Variants in SMKR1 observed in about 807,000 individuals in gnomAD.
The protein encoded by SMKR1 is small lysine-rich protein 1.
SMKR1 carries 4 observed loss-of-function variants against 4.0 expected under a neutral mutation model. The ratio of observed to expected loss-of-function variants is 1.00; its 90% confidence interval spans 0.49 to 2.30. The LOEUF (loss-of-function observed/expected upper bound fraction) is 2.30, where lower values mean the gene tolerates loss of function less well. Among genes scored for constraint, SMKR1 ranks in the 30% most tolerant of loss-of-function variants. SMKR1 has a pLI of 0.02. For missense variants in SMKR1, 56 were observed against 81.8 expected (o/e 0.68, Z 1.22); for synonymous variants, 38 against 32.5 (o/e 1.17, Z -0.58).
At chr7:129,510,470 A>C (rs1799514290) in intron 1 of SMKR1, among the ~76,000 whole-genome samples, 1 of 152,254 alleles carries the variant, frequency 6.6e-6, no homozygotes, top group Non-Finnish European at 1.5e-5. Context: ...ACAGTGGCTC[A>C]AGCCTGTAAT....
intron 1 of SMKR1, among the ~76,000 whole-genome samples, chr7:129,503,222 CAGGAAG>C (rs1799429183): frequency 1.3e-5 from 2 of 151,790 alleles, no homozygotes; most frequent in African/African-American, 4.9e-5. Context: ...TCTGCAGACT[CAGGAAG>C]CAGAGAGTGA....
At chr7:129,505,646 T>C (rs1190602054) in intron 1 of SMKR1, among the ~76,000 whole-genome samples, 3 of 151,752 alleles carry the variant, frequency 2.0e-5, no homozygotes, top group African/African-American at 7.3e-5. Context: ...GCCTGGCTAA[T>C]TTTTTTTGTA....
chr7:129,510,210 A>T (rs182406977), intron 1 of SMKR1, among the ~76,000 whole-genome samples: 1 of 152,356 alleles, frequency 6.6e-6, no homozygotes, highest in Non-Finnish European at 1.5e-5. Context: ...ATCCATGAAA[A>T]ACAGGTTGAC....
At chr7:129,511,324 T>C (rs571021793) in intron 1 of SMKR1, among the ~76,000 whole-genome samples, 1 of 152,322 alleles carries the variant, frequency 6.6e-6, no homozygotes, top group Non-Finnish European at 1.5e-5. Flanking sequence ...TCAGAAATAA[T>C]TAGGATTTTG....
chr7:129,502,959 G>T (rs1562927031), intron 1 of SMKR1, 132 bp downstream of exon 1: 2 of 1,334,878 alleles, frequency 1.5e-6, no homozygotes, highest in Non-Finnish European at 2.0e-6. Flanking sequence ...CGAAAAGATG[G>T]AGGGACAAGG....
chr7:129,512,385 C>G lies in SMKR1; in HGVS notation c.142C>G (p.Leu48Val). Residue 48 changes from leucine (L) to valine (V), a missense_variant, in exon 2 of 2, where the codon CTG (leucine) becomes GTG (valine). By Grantham distance (32) the Leu-to-Val change is conservative (BLOSUM62 1). Transcript: ENST00000462322. ...CCACAACGTCGCTGACTGCCTGCATCTGCGAGGCTTCCATTGGCCGGGTGC... is the reference window on the plus strand; with the variant it reads ...CCACAACGTCGCTGACTGCCTGCATGTGCGAGGCTTCCATTGGCCGGGTGC... ...IAHNVADCLH[L>V]RGFHWPGAPK... 1.3e-6 allele frequency: 2 copies of G among 1,536,050 alleles called. No individual in the cohort carries two copies. The highest frequency in any genetic ancestry group is 1.7e-6 in the Non-Finnish European group (2 of 1,146,866).
At chr7:129,505,661 T>C (rs1799457404) in intron 1 of SMKR1, among the ~76,000 whole-genome samples, 1 of 152,094 alleles carries the variant, frequency 6.6e-6, no homozygotes, top group South Asian at 2.1e-4. Flanking sequence ...TTTGTATTTT[T>C]AGTAGAGATG....
At chr7:129,506,292 A>G (rs1049868553) in intron 1 of SMKR1, among the ~76,000 whole-genome samples, 3 of 152,080 alleles carry the variant, frequency 2.0e-5, no homozygotes, top group African/African-American at 7.2e-5. Flanking sequence ...AGTAGAAAAA[A>G]TTAGTTGGAC....
At chr7:129,508,608 A>G (rs1799492867) in intron 1 of SMKR1, among the ~76,000 whole-genome samples, 1 of 151,898 alleles carries the variant, frequency 6.6e-6, no homozygotes, top group Non-Finnish European at 1.5e-5. Flanking sequence ...CACTCGGCTA[A>G]TTGTTGTATT....
chr7:129,512,668 C>T lies in SMKR1; in HGVS notation c.*227C>T. On this transcript the variant is annotated 3_prime_UTR_variant, in exon 2 of 2. Coordinates refer to ENST00000462322, the MANE Select transcript of SMKR1 (RefSeq NM_001195243.2). ...TTTAGGAGCTATAGGATGGGAAAAG[C>T]CTGAGTAATTCCTACACAGTGTGCT... The T allele has an allele frequency of 2.1e-6, 1 of 480,090 alleles. No individual in the cohort carries two copies. Among genetic ancestry groups the T allele is most frequent in the Non-Finnish European group, 3.6e-6 (1 of 275,458 alleles). 29.7% of individuals were successfully genotyped at this position (480,090 alleles called of 1,614,324 possible).
chr7:129,508,315 T>G (rs1451899835), intron 1 of SMKR1, among the ~76,000 whole-genome samples: 1 of 152,236 alleles, frequency 6.6e-6, no homozygotes, highest in East Asian at 1.9e-4. Flanking sequence ...GTGGATCTAT[T>G]TCTGGACTCT....
chr7:129,508,593 C>T (rs896324882), intron 1 of SMKR1, among the ~76,000 whole-genome samples: 2 of 152,254 alleles, frequency 1.3e-5, no homozygotes, highest in East Asian at 3.9e-4. Context: ...TGGTGCCCGC[C>T]ACCACACTCG....
intron 1 of SMKR1, among the ~76,000 whole-genome samples, chr7:129,511,092 G>A (rs530080381): frequency 1.1e-4 from 17 of 152,330 alleles, no homozygotes; most frequent in African/African-American, 4.1e-4. Context: ...TTACAGGCGT[G>A]AGCCACCGCG....
chr7:129,512,446 A>G lies in SMKR1; in HGVS notation c.*5A>G. The G allele has an allele frequency of 2.0e-6, 3 of 1,532,660 alleles. No individual in the cohort carries two copies. The highest frequency in any genetic ancestry group is 2.6e-6 in the Non-Finnish European group (3 of 1,145,796). The allele number at this position is 1,532,660 out of a possible 1,614,324, so 94.9% of individuals were successfully genotyped here. A position where few individuals can be genotyped will look rare whatever the true frequency, so the allele number is the denominator to read the frequency against. ...AAGAAAGGGAGAAGCAAGTGACAGC[A>G]TTTCACAACACATCTCTGTTACAGA... On this transcript the variant is annotated 3_prime_UTR_variant, in exon 2 of 2. Transcript: ENST00000462322.
chr7:129,504,939 A>G (rs1799449872), intron 1 of SMKR1, among the ~76,000 whole-genome samples: 1 of 152,208 alleles, frequency 6.6e-6, no homozygotes, highest in East Asian at 1.9e-4. Flanking sequence ...ACTGGACTGT[A>G]AGCATCGTGA....
At chr7:129,504,025 G>A (rs920446384) in intron 1 of SMKR1, among the ~76,000 whole-genome samples, 2 of 151,900 alleles carry the variant, frequency 1.3e-5, no homozygotes, top group South Asian at 2.1e-4. Context: ...ACAGGGTTTC[G>A]CCATGTTGCC....
chr7:129,504,850 C>T (rs1332417771), intron 1 of SMKR1, among the ~76,000 whole-genome samples: 1 of 152,194 alleles, frequency 6.6e-6, no homozygotes, highest in African/African-American at 2.4e-5. Flanking sequence ...CATGCCTGGC[C>T]AATAGGGCCC....
chr7:129,503,986 C>T (rs973274201), intron 1 of SMKR1, among the ~76,000 whole-genome samples: 3 of 152,014 alleles, frequency 2.0e-5, no homozygotes, highest in African/African-American at 7.2e-5. Context: ...CATCACCATG[C>T]CTGGCTAATC....
intron 1 of SMKR1, among the ~76,000 whole-genome samples, chr7:129,510,921 A>C (rs1584986958): frequency 6.6e-6 from 1 of 151,860 alleles, no homozygotes; most frequent in African/African-American, 2.4e-5. Context: ...CGATTCTTCT[A>C]CCTCAGCCTC....
Sources: allele counts gnomAD v4.1 joint callset (sites outside exome capture counted in the v4.1 genomes callset), GRCh38; gene constraint gnomAD v4.1.1; transcripts MANE v1.5; gene names NCBI Gene and HGNC (gene_info 2026-07-23, HGNC 2026-07-21).